SLC44A5: variants seen among roughly 807,000 people sequenced by gnomAD.
SLC44A5 encodes the protein choline transporter-like protein 5.
A neutral mutation model predicts 101.8 loss-of-function variants in SLC44A5; 57 were observed. The ratio of observed to expected loss-of-function variants is 0.56; its 90% CI spans 0.45 to 0.70. The LOEUF is 0.70. SLC44A5 is among the 30% of genes least tolerant of loss of function. The pLI, the probability that SLC44A5 is intolerant of heterozygous loss-of-function variation, is 0.00. For synonymous variants in SLC44A5, 281 were observed against 290.9 expected (o/e 0.97, Z 0.35); for missense variants, 737 against 853.1 (o/e 0.86, Z 1.70).
chr1:75,291,904 T>C (rs1424171045), intron 5 of SLC44A5, among the ~76,000 whole-genome samples: 1 of 150,154 alleles, frequency 6.7e-6, no homozygotes, highest in Non-Finnish European at 1.5e-5. Flanking sequence ...CCCAGCTACT[T>C]GGGAGGCTGA....
intron 6 of SLC44A5, among the ~76,000 whole-genome samples, chr1:75,265,124 A>G (rs1570512971): frequency 6.6e-6 from 1 of 152,180 alleles, no homozygotes; most frequent in East Asian, 1.9e-4. Flanking sequence ...AAGTTTCCAA[A>G]CAAAGAAAAG....
intron 2 of SLC44A5, among the ~76,000 whole-genome samples, chr1:75,473,545 CT>C (rs1667223708): frequency 6.6e-6 from 1 of 152,152 alleles, no homozygotes; most frequent in Non-Finnish European, 1.5e-5. Flanking sequence ...TTGCGCTGTT[CT>C]TTGCTAAAAA....
At chr1:75,503,393 C>T (rs563833781) in intron 2 of SLC44A5, among the ~76,000 whole-genome samples, 5 of 152,118 alleles carry the variant, frequency 3.3e-5, no homozygotes, top group South Asian at 2.1e-4. Context: ...TGAGTTCTCA[C>T]GAGATCCGGT....
At chr1:75,670,998 G>A in the SLC44A5 span, among the ~76,000 whole-genome samples, 4 of 152,164 alleles carry the variant, frequency 2.6e-5, no homozygotes, top group South Asian at 2.1e-4. Flanking sequence ...AGCACTGCAC[G>A]TAACATAGGG....
At chr1:75,307,935 T>C (rs1434582507) in intron 4 of SLC44A5, among the ~76,000 whole-genome samples, 1 of 152,204 alleles carries the variant, frequency 6.6e-6, no homozygotes, top group African/African-American at 2.4e-5. Flanking sequence ...AATGAGCTTT[T>C]AATTACATGA....
intron 1 of SLC44A5, among the ~76,000 whole-genome samples, chr1:75,591,437 T>A (rs1362546469): frequency 6.6e-6 from 1 of 152,224 alleles, no homozygotes; most frequent in Non-Finnish European, 1.5e-5. Flanking sequence ...CTTTTTGATA[T>A]GCTGTTGGAT....
chr1:75,650,648 C>T, the SLC44A5 span, among the ~76,000 whole-genome samples: 4 of 152,198 alleles, frequency 2.6e-5, no homozygotes, highest in South Asian at 2.1e-4. Flanking sequence ...AGAATGACAG[C>T]TCCTCAGACA....
intron 6 of SLC44A5, among the ~76,000 whole-genome samples, chr1:75,273,930 G>C (rs566619745): frequency 6.6e-6 from 1 of 152,190 alleles, no homozygotes; most frequent in African/African-American, 2.4e-5. Context: ...CTATCTTTCG[G>C]AATAGTTTTA....
At chr1:75,641,184 T>C in the SLC44A5 span, among the ~76,000 whole-genome samples, 2 of 152,114 alleles carry the variant, frequency 1.3e-5, no homozygotes, top group Non-Finnish European at 2.9e-5. Flanking sequence ...CATATTTGTG[T>C]CTATTACTTT....
At chr1:75,294,256 A>G (rs984841799) in intron 5 of SLC44A5, among the ~76,000 whole-genome samples, 5 of 152,178 alleles carry the variant, frequency 3.3e-5, no homozygotes, top group African/African-American at 7.2e-5. Context: ...TTGTGGTCAC[A>G]CCACCAAGTT....
At chr1:75,422,093 C>G (rs1037047463) in intron 2 of SLC44A5, among the ~76,000 whole-genome samples, 1 of 152,008 alleles carries the variant, frequency 6.6e-6, no homozygotes, top group Non-Finnish European at 1.5e-5. Flanking sequence ...TGCACGTGTG[C>G]TTAAGAGGCT....
chr1:75,532,947 C>G (rs1320838058), intron 2 of SLC44A5, among the ~76,000 whole-genome samples: 1 of 152,188 alleles, frequency 6.6e-6, no homozygotes, highest in African/African-American at 2.4e-5. Flanking sequence ...TGATATTTAT[C>G]TTATTACTAA....
intron 4 of SLC44A5, among the ~76,000 whole-genome samples, chr1:75,337,165 T>A (rs2101022803): frequency 6.6e-6 from 1 of 151,678 alleles, no homozygotes; most frequent in Middle Eastern, 3.4e-3. Flanking sequence ...GGATTCTATG[T>A]CACACTGCTT....
At chr1:75,482,000 G>A (rs1570414291) in intron 2 of SLC44A5, among the ~76,000 whole-genome samples, 2 of 152,254 alleles carry the variant, frequency 1.3e-5, no homozygotes, top group East Asian at 3.9e-4. Flanking sequence ...ATTCACAATA[G>A]CAAAGACTTG....
chr1:75,523,873 C>G (rs1342394928), intron 2 of SLC44A5, among the ~76,000 whole-genome samples: 2 of 152,180 alleles, frequency 1.3e-5, no homozygotes, highest in African/African-American at 4.8e-5. Context: ...AGACAGCCCT[C>G]TTAAAAACAA....
chr1:75,286,645 G>A (rs1293358624), intron 5 of SLC44A5, among the ~76,000 whole-genome samples: 2 of 152,088 alleles, frequency 1.3e-5, no homozygotes, highest in Non-Finnish European at 2.9e-5. Flanking sequence ...GCTCCTTTGA[G>A]CAGTTCTTGT....
At chr1:75,526,039 T>C (rs1192137546) in intron 2 of SLC44A5, among the ~76,000 whole-genome samples, 2 of 152,194 alleles carry the variant, frequency 1.3e-5, no homozygotes, top group Non-Finnish European at 2.9e-5. Flanking sequence ...TAAAGCAGCA[T>C]AATTAGTAGT....
In SLC44A5 at chr1:75,527,061, G is replaced by A. The variant is rs2347538; in HGVS notation, c.13+14374C>T. ...GAGGCAGGAGAATCGCTTGAAGCTGGGAGGCAGAGGCTGCAGTGAGCCGAG... is the reference window on the plus strand; with the variant it reads ...GAGGCAGGAGAATCGCTTGAAGCTGAGAGGCAGAGGCTGCAGTGAGCCGAG... On this transcript the variant is annotated intron_variant, in intron 2 of 23. Transcript: ENST00000370859. 9.3e-3 allele frequency among the ~76,000 whole-genome samples: 1,413 copies of A among 151,706 alleles called. 11 individuals are homozygous for A. Among genetic ancestry groups the A allele is most frequent in the Non-Finnish European group, 0.015 (1,006 of 67,942 alleles).
At chr1:75,383,845 A>T (rs1418279230) in intron 3 of SLC44A5, among the ~76,000 whole-genome samples, 1 of 152,210 alleles carries the variant, frequency 6.6e-6, no homozygotes, top group Non-Finnish European at 1.5e-5. Context: ...CCATCAGACT[A>T]ACAGCAGATC....
Sources: allele counts gnomAD v4.1 joint callset (sites outside exome capture counted in the v4.1 genomes callset), GRCh38; gene constraint gnomAD v4.1.1; transcripts MANE v1.5; gene names NCBI Gene and HGNC (gene_info 2026-07-23, HGNC 2026-07-21).